Variants in SCLT1 observed in about 807,000 individuals in gnomAD.
SCLT1 encodes the protein sodium channel and clathrin linker 1, also known as sodium channel-associated protein 1.
SCLT1 carries 78 observed loss-of-function variants against 112.8 expected under a neutral mutation model. That is an observed-to-expected ratio of 0.69 (90% CI 0.58 to 0.83). The LOEUF (loss-of-function observed/expected upper bound fraction) is 0.83. SCLT1 is among the 40% of genes least tolerant of loss of function. The pLI is 0.00. For missense variants in SCLT1, 747 were observed against 770.4 expected, an observed-to-expected ratio of 0.97 and a Z score of 0.36; for synonymous variants, 257 against 254.7, an observed-to-expected ratio of 1.01 and a Z score of -0.09.
intron 18 of SCLT1, among the ~76,000 whole-genome samples, chr4:128,898,770 C>A (rs1320715258): frequency 3.9e-5 from 6 of 152,194 alleles, no homozygotes; most frequent in South Asian, 4.1e-4. Context: ...AATTGATAGA[C>A]CGCTAGCAAG....
At chr4:128,888,639 T>G in intron 20 of SCLT1, 40 bp downstream of exon 20, 3 of 1,188,712 alleles carry the variant, frequency 2.5e-6, no homozygotes, top group Non-Finnish European at 2.4e-6. Context: ...AACTTATCTT[T>G]GAACTGTTTA....
At position 128,986,574 on chromosome 4, in the gene SCLT1, G is replaced by C. The variant is rs1011371235; in HGVS notation, c.686+5593C>G. On this transcript the variant is annotated intron_variant, in intron 9 of 20. Transcript: ENST00000281142. ...AAGAGACTCTTTCTGCTCAGGGAAA[G>C]GGGAAGAAAGAGTATAGAGGACTGT... Among the ~76,000 whole-genome samples the C allele has an allele frequency of 2.0e-5, 3 of 152,174 alleles. 1 individual carries two copies. The highest frequency in any genetic ancestry group is 2.0e-4 in the Admixed American group (3 of 15,284).
At chr4:128,938,245 G>A (rs1579435021) in intron 17 of SCLT1, among the ~76,000 whole-genome samples, 1 of 152,214 alleles carries the variant, frequency 6.6e-6, no homozygotes, top group South Asian at 2.1e-4. Context: ...AAAAAACAAT[G>A]AGATCAACTT....
chr4:128,938,657 T>C (rs1737415255), intron 17 of SCLT1, among the ~76,000 whole-genome samples: 1 of 152,172 alleles, frequency 6.6e-6, no homozygotes, highest in African/African-American at 2.4e-5. Context: ...GTACAGCCCC[T>C]GTGAGTTCTT....
intron 2 of SCLT1, among the ~76,000 whole-genome samples, chr4:129,062,778 T>C (rs1750107480): frequency 1.3e-5 from 2 of 152,222 alleles, no homozygotes; most frequent in African/African-American, 4.8e-5. Flanking sequence ...GAAGTTCCTT[T>C]GTATGTTATA....
intron 8 of SCLT1, among the ~76,000 whole-genome samples, chr4:128,993,730 C>G (rs1002652271): frequency 2.0e-5 from 3 of 151,962 alleles, no homozygotes; most frequent in African/African-American, 7.2e-5. Flanking sequence ...ATATGTCAGC[C>G]TGTTTTACCA....
chr4:128,948,698 A>AAAAAC, intron 14 of SCLT1, 128 bp from the exon 15 acceptor site: 1 of 670,006 alleles, frequency 1.5e-6, no homozygotes, highest in South Asian at 2.3e-5. Flanking sequence ...TATATTGATT[A>AAAAAC]AAAACAAAAC....
At chr4:128,935,175 T>C (rs1238564509) in intron 18 of SCLT1, among the ~76,000 whole-genome samples, 1 of 152,122 alleles carries the variant, frequency 6.6e-6, no homozygotes, top group South Asian at 2.1e-4. Flanking sequence ...GTAATGATTT[T>C]TTTTTGTTGT....
intron 5 of SCLT1, among the ~76,000 whole-genome samples, chr4:129,031,907 C>T (rs1746758050): frequency 6.6e-6 from 1 of 152,008 alleles, no homozygotes; most frequent in African/African-American, 2.4e-5. Flanking sequence ...AATGTTATTC[C>T]CATCAAGCTA....
At chr4:128,955,731 T>A (rs1261300579) in intron 13 of SCLT1, among the ~76,000 whole-genome samples, 1 of 152,226 alleles carries the variant, frequency 6.6e-6, no homozygotes, top group Non-Finnish European at 1.5e-5. Context: ...TTTATACATA[T>A]TTTTCATTTA....
chr4:128,958,579 T>C (rs1331771974), intron 12 of SCLT1, among the ~76,000 whole-genome samples: 1 of 152,196 alleles, frequency 6.6e-6, no homozygotes, highest in Non-Finnish European at 1.5e-5. Flanking sequence ...TGTTTATTTT[T>C]AATGGCTTGG....
chr4:128,932,511 C>T (rs978085303), intron 18 of SCLT1, among the ~76,000 whole-genome samples: 1 of 152,010 alleles, frequency 6.6e-6, no homozygotes, highest in Non-Finnish European at 1.5e-5. Context: ...TAACATCATA[C>T]TTAATGGTGA....
intron 2 of SCLT1, among the ~76,000 whole-genome samples, chr4:129,055,362 T>C (rs889408254): frequency 1.3e-5 from 2 of 152,166 alleles, no homozygotes; most frequent in Non-Finnish European, 2.9e-5. Context: ...ATCGTTTAAT[T>C]CCACTGAAGC....
At chr4:129,071,506 A>T (rs1750999229) in intron 2 of SCLT1, among the ~76,000 whole-genome samples, 1 of 152,124 alleles carries the variant, frequency 6.6e-6, no homozygotes, top group Admixed American at 6.5e-5. Context: ...TTCCTGTTGG[A>T]TAAGGCCTTT....
intron 2 of SCLT1, among the ~76,000 whole-genome samples, chr4:129,066,586 ACTG>A: frequency 6.6e-6 from 1 of 152,206 alleles, no homozygotes; most frequent in Admixed American, 6.5e-5. Context: ...CATGTTCAAG[ACTG>A]TACTGAAACA....
At chr4:129,075,262 G>A (rs985113914) in intron 2 of SCLT1, among the ~76,000 whole-genome samples, 29 of 152,146 alleles carry the variant, frequency 1.9e-4, no homozygotes, top group Non-Finnish European at 7.4e-5. Context: ...TAAAGTACAG[G>A]TTGGCTAGCA....
At chr4:128,919,596 T>C (rs145242861) in intron 18 of SCLT1, among the ~76,000 whole-genome samples, 1 of 151,946 alleles carries the variant, frequency 6.6e-6, no homozygotes, top group East Asian at 1.9e-4. Context: ...CAAAAAACCA[T>C]ACTAAAGATC....
chr4:129,010,140 C>G (rs902051796), intron 5 of SCLT1, among the ~76,000 whole-genome samples: 3 of 151,948 alleles, frequency 2.0e-5, no homozygotes, highest in African/African-American at 7.2e-5. Context: ...CTGCACATGG[C>G]TAGCCAGTTA....
chr4:128,986,160 T>C (rs1007025889), intron 9 of SCLT1, among the ~76,000 whole-genome samples: 15 of 152,100 alleles, frequency 9.9e-5, no homozygotes, highest in African/African-American at 3.6e-4. Context: ...AGATAATTTG[T>C]GTGCTAGGGG....
Sources: allele counts gnomAD v4.1 joint callset (sites outside exome capture counted in the v4.1 genomes callset), GRCh38; gene constraint gnomAD v4.1.1; transcripts MANE v1.5; gene names NCBI Gene and HGNC (gene_info 2026-07-23, HGNC 2026-07-21).